NLGN1: variants seen among roughly 807,000 people sequenced by gnomAD.
NLGN1 encodes the protein neuroligin-1.
Under a neutral mutation model 65.5 loss-of-function variants are expected in NLGN1, and 12 were observed. The observed-to-expected ratio is 0.18, with a 90% confidence interval of 0.12 to 0.30. NLGN1 has a LOEUF of 0.30. Ranked by LOEUF, NLGN1 falls within the 10% of genes least tolerant of loss-of-function variation. The probability of loss-of-function intolerance (pLI) is 1.00; values close to 1 mark genes in which losing one functional copy is unlikely to be tolerated. For missense variants in NLGN1, 750 were observed against 1,007.1 expected (o/e 0.74, Z 3.46); for synonymous variants, 350 against 359.5 (o/e 0.97, Z 0.30).
chr3:173,766,868 G>T (rs768573242), intron 3 of NLGN1, among the ~76,000 whole-genome samples: 1 of 152,124 alleles, frequency 6.6e-6, no homozygotes, highest in Non-Finnish European at 1.5e-5. Context: ...CTTATACAGA[G>T]TATCATTAAA....
chr3:174,200,691 A>G (rs1734288214), intron 4 of NLGN1, among the ~76,000 whole-genome samples: 2 of 152,212 alleles, frequency 1.3e-5, no homozygotes, highest in African/African-American at 4.8e-5. Context: ...AATATTAACA[A>G]TCTTTTCTTT....
intron 2 of NLGN1, among the ~76,000 whole-genome samples, chr3:173,459,471 A>G (rs946097311): frequency 6.6e-6 from 1 of 152,122 alleles, no homozygotes; most frequent in African/African-American, 2.4e-5. Flanking sequence ...TCTTTGCTTA[A>G]TCAGAGGCTA....
chr3:174,106,883 T>G (rs1419074152), intron 4 of NLGN1, among the ~76,000 whole-genome samples: 4 of 151,904 alleles, frequency 2.6e-5, no homozygotes, highest in Non-Finnish European at 5.9e-5. Context: ...TTTTTTCTTC[T>G]ATTCAAGCCC....
chr3:173,905,417 A>G (rs1345610504), intron 4 of NLGN1, among the ~76,000 whole-genome samples: 1 of 152,226 alleles, frequency 6.6e-6, no homozygotes, highest in African/African-American at 2.4e-5. Flanking sequence ...TCAAGGCTTC[A>G]TGCTGGTTCA....
chr3:173,591,530 C>G (rs1312194119), intron 2 of NLGN1, among the ~76,000 whole-genome samples: 2 of 152,120 alleles, frequency 1.3e-5, no homozygotes, highest in African/African-American at 4.8e-5. Context: ...CCAATTCCAG[C>G]AAAAGCCTGG....
At chr3:174,127,015 T>G (rs1719086377) in intron 4 of NLGN1, among the ~76,000 whole-genome samples, 1 of 152,110 alleles carries the variant, frequency 6.6e-6, no homozygotes, top group Non-Finnish European at 1.5e-5. Context: ...CACAGTAGGG[T>G]ATATCTCACC....
In NLGN1 at chr3:173,515,341, T is replaced by C. The variant is rs779912067; in HGVS notation, c.-321+80263T>C. ...GTTTTAGCCCATTTTTAAATTAAGT[T>C]ATTACTTATTTTATTATTGAGTCCC... On this transcript the variant is annotated intron_variant, in intron 2 of 6. Transcript: ENST00000457714. 2.6e-5 allele frequency among the ~76,000 whole-genome samples: 4 copies of C among 152,164 alleles called. No homozygotes were observed. In the East Asian group the frequency reaches 7.7e-4, roughly 29 times the overall value.
chr3:173,476,139 G>A (rs1726166718), intron 2 of NLGN1, among the ~76,000 whole-genome samples: 1 of 152,160 alleles, frequency 6.6e-6, no homozygotes. Flanking sequence ...GTGGCCAGTA[G>A]ACATAATTCA....
At chr3:173,939,446 G>C (rs898388021) in intron 4 of NLGN1, among the ~76,000 whole-genome samples, 2 of 152,088 alleles carry the variant, frequency 1.3e-5, no homozygotes, top group African/African-American at 4.8e-5. Flanking sequence ...CACACAACAG[G>C]TTCCCTGGAC....
chr3:173,602,114 A>G (rs1008926988), intron 2 of NLGN1, among the ~76,000 whole-genome samples: 2 of 152,048 alleles, frequency 1.3e-5, no homozygotes, highest in Non-Finnish European at 1.5e-5. Context: ...AACCTCTTCA[A>G]GTCTGAGTTC....
intron 4 of NLGN1, among the ~76,000 whole-genome samples, chr3:173,900,254 A>G (rs1737090774): frequency 6.6e-6 from 1 of 152,074 alleles, no homozygotes; most frequent in Non-Finnish European, 1.5e-5. Flanking sequence ...CTGTTTTGTT[A>G]CTACTTCATT....
chr3:174,034,851 T>C (rs1163165792), intron 4 of NLGN1, among the ~76,000 whole-genome samples: 1 of 152,112 alleles, frequency 6.6e-6, no homozygotes, highest in Admixed American at 6.6e-5. Flanking sequence ...AATCATTTTG[T>C]GAATAGTTTA....
At chr3:174,088,658 CAGG>C (rs1227303864) in intron 4 of NLGN1, among the ~76,000 whole-genome samples, 8 of 151,594 alleles carry the variant, frequency 5.3e-5, no homozygotes, top group African/African-American at 1.9e-4. Context: ...GAGGCTGAGG[CAGG>C]AGAATGGTGT....
chr3:173,826,736 C>T (rs911531495), intron 4 of NLGN1, among the ~76,000 whole-genome samples: 1 of 151,960 alleles, frequency 6.6e-6, no homozygotes, highest in African/African-American at 2.4e-5. Flanking sequence ...AAGGAGCTTA[C>T]TGATTAGTTT....
intron 2 of NLGN1, among the ~76,000 whole-genome samples, chr3:173,464,927 CA>C (rs1190037405): frequency 5.3e-5 from 8 of 151,774 alleles, no homozygotes; most frequent in East Asian, 3.9e-4. Context: ...CTCCTATAGA[CA>C]GTGGAATATT....
At chr3:173,667,774 T>G (rs972733411) in intron 3 of NLGN1, among the ~76,000 whole-genome samples, 2 of 151,958 alleles carry the variant, frequency 1.3e-5, no homozygotes, top group Non-Finnish European at 2.9e-5. Flanking sequence ...GGACTACAGG[T>G]GTGCACCACC....
downstream of NLGN1, chr3:174,286,704 AG>A (rs1415158452): frequency 1.3e-5 from 2 of 151,586 alleles, no homozygotes; most frequent in African/African-American, 2.4e-5. Flanking sequence ...TCACACAAAA[AG>A]GTTACTAAGA....
intron 4 of NLGN1, among the ~76,000 whole-genome samples, chr3:174,208,706 A>T (rs1210559898): frequency 6.6e-6 from 1 of 151,850 alleles, no homozygotes; most frequent in East Asian, 1.9e-4. Flanking sequence ...ATCAATCATG[A>T]GGCCCAGAAG....
At chr3:173,656,591 G>A (rs1760077998) in intron 3 of NLGN1, among the ~76,000 whole-genome samples, 1 of 152,114 alleles carries the variant, frequency 6.6e-6, no homozygotes, top group African/African-American at 2.4e-5. Context: ...TGGTCCAGAT[G>A]TGTTGCCTTC....
Sources: allele counts gnomAD v4.1 joint callset (sites outside exome capture counted in the v4.1 genomes callset), GRCh38; gene constraint gnomAD v4.1.1; transcripts MANE v1.5; gene names NCBI Gene and HGNC (gene_info 2026-07-23, HGNC 2026-07-21).